AGBL4: variants seen among roughly 807,000 people sequenced by gnomAD.
AGBL4 encodes the protein cytosolic carboxypeptidase 6.
Under a neutral mutation model 66.4 loss-of-function variants are expected in AGBL4, and 58 were observed. The observed-to-expected ratio is 0.87, with a 90% confidence interval of 0.71 to 1.09. The LOEUF (loss-of-function observed/expected upper bound fraction) is 1.09. AGBL4 is among the 50% of genes least tolerant of loss of function. The probability of loss-of-function intolerance (pLI) is 0.00; values close to 1 mark genes in which losing one functional copy is unlikely to be tolerated. For missense variants in AGBL4, 579 were observed against 631.0 expected (o/e 0.92, Z 0.88); for synonymous variants, 234 against 222.9 (o/e 1.05, Z -0.44).
chr1:49,605,203 T>C (rs1645041135), intron 3 of AGBL4, among the ~76,000 whole-genome samples: 1 of 152,168 alleles, frequency 6.6e-6, no homozygotes, highest in South Asian at 2.1e-4. Context: ...GATATACTGC[T>C]TCTCAGTCTT....
rs1017613254 is a variant in AGBL4 at position 48,653,351 on chromosome 1, G to C, written c.825C>G (p.Tyr275Ter). 6.3e-7 allele frequency: 1 copy of C among 1,577,892 alleles called. No homozygotes were observed. Among genetic ancestry groups the C allele is most frequent in the Admixed American group, 1.8e-5 (1 of 54,934 alleles). The change falls in exon 8 of 14, where the codon TAC becomes TAG. Residue 275 changes from tyrosine to a stop codon, truncating the protein, a stop_gained. Transcript: ENST00000371839. LOFTEE classifies it high-confidence loss of function. ...IAPMLNPDGV[Y>*]LGNYRCSLMG... ...CAATTCCTTACCTGTAATTGCCCAG[G>C]TAGACTCCATCAGGATTGAGCATTG...
At chr1:49,326,078 G>A (rs893812740) in intron 3 of AGBL4, among the ~76,000 whole-genome samples, 3 of 152,000 alleles carry the variant, frequency 2.0e-5, no homozygotes, top group African/African-American at 4.8e-5. Context: ...GTTTGATAAC[G>A]GACTAATATA....
chr1:48,715,229 T>TC (rs1431523858), intron 6 of AGBL4, among the ~76,000 whole-genome samples: 1 of 151,914 alleles, frequency 6.6e-6, no homozygotes, highest in African/African-American at 2.4e-5. Flanking sequence ...CCCATACCCC[T>TC]CCTCGGGCCC....
At position 49,378,597 on chromosome 1, in the gene AGBL4, GT is replaced by G. The variant is rs1644522401; in HGVS notation, c.283-132734del. The stretch of plus-strand genomic sequence containing the variant: ...AAGATAGCATTAGATGTGCTAGAGA[GT>G]TTTAGGAATAACTGCACATTAAGAA... On this transcript the variant is annotated intron_variant, in intron 3 of 13. Transcript: ENST00000371839. Among the ~76,000 whole-genome samples, 5 of 152,226 alleles carry G rather than the reference GT, an allele frequency of 3.3e-5. No homozygotes were observed. In the South Asian group the frequency reaches 1.0e-3, roughly 32 times the overall value.
At chr1:48,623,554 T>C (rs1645450623) in intron 9 of AGBL4, among the ~76,000 whole-genome samples, 1 of 152,274 alleles carries the variant, frequency 6.6e-6, no homozygotes, top group South Asian at 2.1e-4. Flanking sequence ...TCTGGCTTAC[T>C]TGATTTCCCA....
intron 4 of AGBL4, among the ~76,000 whole-genome samples, chr1:49,060,398 T>C (rs1166674363): frequency 1.3e-5 from 2 of 152,182 alleles, no homozygotes; most frequent in Non-Finnish European, 2.9e-5. Context: ...CTCTGTCCTT[T>C]ATAAACTACC....
chr1:48,930,908 T>A (rs574555487), intron 5 of AGBL4, among the ~76,000 whole-genome samples: 12 of 152,294 alleles, frequency 7.9e-5, no homozygotes, highest in Non-Finnish European at 1.6e-4. Context: ...TTACCCAAGG[T>A]TGCACAGCAA....
At chr1:49,603,743 G>A (rs1390110295) in intron 3 of AGBL4, among the ~76,000 whole-genome samples, 1 of 151,762 alleles carries the variant, frequency 6.6e-6, no homozygotes, top group Non-Finnish European at 1.5e-5. Context: ...AGTCTCCAGT[G>A]TCCATTATAC....
intron 1 of AGBL4, among the ~76,000 whole-genome samples, chr1:49,957,953 A>C (rs1394689942): frequency 1.3e-5 from 2 of 151,680 alleles, no homozygotes; most frequent in Non-Finnish European, 2.9e-5. Flanking sequence ...TCTTCCTAGC[A>C]TCAATGGTCT....
chr1:49,243,884 C>T (rs1282911824), intron 4 of AGBL4, among the ~76,000 whole-genome samples: 2 of 151,818 alleles, frequency 1.3e-5, no homozygotes, highest in East Asian at 1.9e-4. Context: ...AATTCTGAAA[C>T]TTTAGGCTCT....
intron 3 of AGBL4, among the ~76,000 whole-genome samples, chr1:49,603,849 A>C (rs1645013004): frequency 6.6e-6 from 1 of 151,910 alleles, no homozygotes; most frequent in African/African-American, 2.4e-5. Flanking sequence ...CTTCACTTAG[A>C]ATGATAGCCT....
rs1645633920 is a variant in AGBL4, at chr1:49,346,355, T to C, written c.283-100491A>G. Among the ~76,000 whole-genome samples, 3 of 152,198 alleles carry C rather than the reference T, an allele frequency of 2.0e-5. No homozygotes were observed. The South Asian group carries it at 6.2e-4, about 31-fold the overall frequency. ...GAGGAAACAAGAGGGATAAGTAGCA[T>C]AAAATATTTAGATCAGTATTGTAAT... On this transcript the variant is annotated intron_variant, in intron 3 of 13. Coordinates refer to ENST00000371839, the MANE Select transcript of AGBL4 (RefSeq NM_032785.4).
intron 5 of AGBL4, among the ~76,000 whole-genome samples, chr1:48,936,732 G>A (rs961563900): frequency 3.9e-5 from 6 of 152,146 alleles, no homozygotes; most frequent in Non-Finnish European, 8.8e-5. Context: ...CGGTTTGTTT[G>A]CAAAGATCTT....
chr1:49,778,551 G>A (rs1334335932), intron 2 of AGBL4, among the ~76,000 whole-genome samples: 1 of 152,150 alleles, frequency 6.6e-6, no homozygotes, highest in Non-Finnish European at 1.5e-5. Context: ...GAGCTCCAGG[G>A]TACTAGAAGA....
intron 9 of AGBL4, among the ~76,000 whole-genome samples, chr1:48,627,807 C>T (rs1645530215): frequency 6.6e-6 from 1 of 152,114 alleles, no homozygotes; most frequent in African/African-American, 2.4e-5. Flanking sequence ...AAAATAGCAA[C>T]TTTGGGTTCT....
intron 10 of AGBL4, among the ~76,000 whole-genome samples, chr1:48,587,736 T>C (rs1644846912): frequency 1.3e-5 from 2 of 151,724 alleles, no homozygotes; most frequent in African/African-American, 2.4e-5. Context: ...TCCGTCTCCC[T>C]GGTTCATGCC....
chr1:49,901,402 C>G (rs909931689), intron 1 of AGBL4, among the ~76,000 whole-genome samples: 1 of 152,090 alleles, frequency 6.6e-6, no homozygotes, highest in African/African-American at 2.4e-5. Flanking sequence ...CCAACAACAT[C>G]CAAGCTGAAA....
At chr1:49,908,903 C>A (rs1253405631) in intron 1 of AGBL4, among the ~76,000 whole-genome samples, 1 of 152,224 alleles carries the variant, frequency 6.6e-6, no homozygotes, top group South Asian at 2.1e-4. Context: ...ATTTTAAAGG[C>A]TATACTCTTT....
chr1:49,155,139 A>G (rs1004881008), intron 4 of AGBL4, among the ~76,000 whole-genome samples: 23 of 152,146 alleles, frequency 1.5e-4, no homozygotes, highest in African/African-American at 4.3e-4. Flanking sequence ...AGAGAAGAAA[A>G]CTATGATGCA....
Sources: allele counts gnomAD v4.1 joint callset (sites outside exome capture counted in the v4.1 genomes callset), GRCh38; gene constraint gnomAD v4.1.1; transcripts MANE v1.5; gene names NCBI Gene and HGNC (gene_info 2026-07-23, HGNC 2026-07-21).